Variants in SOX5 observed in about 807,000 individuals in gnomAD.
SOX5 encodes transcription factor SOX-5.
SOX5 carries 9 observed loss-of-function variants against 92.0 expected under a neutral mutation model. The ratio of observed to expected loss-of-function variants is 0.10; its 90% CI spans 0.06 to 0.17. SOX5 has a LOEUF of 0.17. Among genes scored for constraint, SOX5 ranks in the 10% least tolerant of loss-of-function variants. The pLI, the probability that SOX5 is intolerant of heterozygous loss-of-function variation, is 1.00. For synonymous variants in SOX5, 344 were observed against 336.3 expected (o/e 1.02, Z -0.25); for missense variants, 642 against 944.5 (o/e 0.68, Z 4.20).
At chr12:23,982,848 C>T (rs1387291152) in intron 4 of SOX5, among the ~76,000 whole-genome samples, 1 of 151,980 alleles carries the variant, frequency 6.6e-6, no homozygotes, top group East Asian at 1.9e-4. Flanking sequence ...GCCATTGAAT[C>T]CAGTATATAG....
chr12:24,510,817 C>T (rs1949236158), intron 1 of SOX5, among the ~76,000 whole-genome samples: 1 of 152,190 alleles, frequency 6.6e-6, no homozygotes, highest in Non-Finnish European at 1.5e-5. Context: ...GAATTTCTTA[C>T]ACACATGAAT....
chr12:24,291,508 T>C (rs1300108231), intron 2 of SOX5, among the ~76,000 whole-genome samples: 1 of 152,240 alleles, frequency 6.6e-6, no homozygotes, highest in Non-Finnish European at 1.5e-5. Flanking sequence ...GCTATTGCTG[T>C]AGAATAGAAA....
At chr12:23,941,718 C>A (rs886136851) in intron 1 of SOX5, among the ~76,000 whole-genome samples, 3 of 151,396 alleles carry the variant, frequency 2.0e-5, no homozygotes, top group African/African-American at 7.3e-5. Flanking sequence ...CACTCAAGAT[C>A]AAAGTTGAAT....
chr12:23,919,095 C>G (rs2138738251), intron 1 of SOX5, among the ~76,000 whole-genome samples: 1 of 152,120 alleles, frequency 6.6e-6, no homozygotes, highest in African/African-American at 2.4e-5. Flanking sequence ...ATGAAGATGA[C>G]TGAGCAAATG....
intron 3 of SOX5, among the ~76,000 whole-genome samples, chr12:24,275,632 A>G (rs753472992): frequency 2.0e-5 from 3 of 152,206 alleles, no homozygotes; most frequent in Non-Finnish European, 4.4e-5. Context: ...ACTTATAAAT[A>G]TATGAAAATT....
At chr12:24,356,653 G>A (rs534831) in intron 2 of SOX5, among the ~76,000 whole-genome samples, 61,509 of 151,986 alleles carry the variant, frequency 0.4, 14,072 homozygotes, top group East Asian at 0.87. Context: ...AGGCCTCTCA[G>A]TCTCAGCGCA....
At chr12:23,991,537 TATAAA>T (rs1261741074) in intron 4 of SOX5, among the ~76,000 whole-genome samples, 2 of 152,006 alleles carry the variant, frequency 1.3e-5, no homozygotes, top group African/African-American at 4.8e-5. Context: ...ATTTTCCAGT[TATAAA>T]ATAAATTACA....
intron 4 of SOX5, among the ~76,000 whole-genome samples, chr12:24,183,555 G>T (rs967082052): frequency 3.3e-5 from 5 of 152,048 alleles, no homozygotes; most frequent in African/African-American, 1.2e-4. Context: ...TCCACTAAAA[G>T]TCATTTTAAA....
intron 4 of SOX5, among the ~76,000 whole-genome samples, chr12:24,075,277 TAA>T (rs59967372): frequency 0.19 from 14,466 of 75,334 alleles, 1,156 homozygotes; most frequent in South Asian, 0.37. Context: ...CTCAAATTAT[TAA>T]AAAAAAAAAA....
chr12:24,141,252 G>A (rs1950556448), intron 4 of SOX5, among the ~76,000 whole-genome samples: 1 of 152,044 alleles, frequency 6.6e-6, no homozygotes, highest in South Asian at 2.1e-4. Context: ...CTATTAAAAT[G>A]GTTTACCAGG....
At chr12:24,060,840 A>C (rs1315881490) in intron 4 of SOX5, among the ~76,000 whole-genome samples, 1 of 152,232 alleles carries the variant, frequency 6.6e-6, no homozygotes, top group African/African-American at 2.4e-5. Context: ...TTAAAAATGA[A>C]GCTAACACAG....
At chr12:24,052,059 T>C (rs1295249155) in intron 4 of SOX5, among the ~76,000 whole-genome samples, 2 of 152,186 alleles carry the variant, frequency 1.3e-5, no homozygotes. Flanking sequence ...CTATCTTCAA[T>C]AGAGCCTTAC....
At chr12:24,387,439 A>G (rs1027980931) in intron 1 of SOX5, among the ~76,000 whole-genome samples, 1 of 152,160 alleles carries the variant, frequency 6.6e-6, no homozygotes, top group Non-Finnish European at 1.5e-5. Flanking sequence ...GTTTTCCAGT[A>G]TGACCCAGGG....
chr12:24,076,245 A>G (rs1381353057), intron 4 of SOX5, among the ~76,000 whole-genome samples: 1 of 152,092 alleles, frequency 6.6e-6, no homozygotes, highest in African/African-American at 2.4e-5. Context: ...ACTTTTCTGG[A>G]GACGGACCTT....
chr12:23,852,587 T>C (rs1201436771), intron 2 of SOX5, among the ~76,000 whole-genome samples: 1 of 152,156 alleles, frequency 6.6e-6, no homozygotes, highest in Admixed American at 6.6e-5. Flanking sequence ...TGCCAAGCAT[T>C]GAGATGAAAT....
intron 4 of SOX5, among the ~76,000 whole-genome samples, chr12:24,043,753 G>A (rs1441709128): frequency 6.6e-6 from 1 of 152,070 alleles, no homozygotes; most frequent in Non-Finnish European, 1.5e-5. Context: ...TCATAAAATT[G>A]TAAATATAAG....
At chr12:24,123,241 G>T (rs1468294293) in intron 4 of SOX5, among the ~76,000 whole-genome samples, 1 of 152,094 alleles carries the variant, frequency 6.6e-6, no homozygotes, top group Non-Finnish European at 1.5e-5. Flanking sequence ...GTATAGAAAA[G>T]ATTCTATCCA....
intron 3 of SOX5, among the ~76,000 whole-genome samples, chr12:23,785,762 A>G (rs771552866): frequency 1.3e-4 from 20 of 152,156 alleles, no homozygotes; most frequent in Non-Finnish European, 2.1e-4. Context: ...AACACTACTA[A>G]AATGCATTGG....
At chr12:23,663,372 G>A (rs149974001) in intron 7 of SOX5, among the ~76,000 whole-genome samples, 55 of 152,146 alleles carry the variant, frequency 3.6e-4, no homozygotes, top group African/African-American at 1.0e-3. Flanking sequence ...TCCACGCCAC[G>A]TTACATTAAC....
Sources: allele counts gnomAD v4.1 joint callset (sites outside exome capture counted in the v4.1 genomes callset), GRCh38; gene constraint gnomAD v4.1.1; transcripts MANE v1.5; gene names NCBI Gene and HGNC (gene_info 2026-07-23, HGNC 2026-07-21).